Variants in LRP1B observed in about 807,000 individuals in gnomAD.
LRP1B encodes the protein LDL receptor related protein 1B.
A neutral mutation model predicts 556.6 loss-of-function variants in LRP1B; 217 were observed. The ratio of observed to expected loss-of-function variants is 0.39; its 90% CI spans 0.35 to 0.44. LRP1B has a LOEUF of 0.44. LRP1B is among the 20% of genes least tolerant of loss of function. LRP1B has a pLI of 1.00. For missense variants in LRP1B, 5,053 were observed against 5,620.8 expected (o/e 0.90, Z 3.23); for synonymous variants, 2,047 against 1,865.8 (o/e 1.10, Z -2.50).
rs971042439 is a variant in LRP1B at position 141,040,921 on chromosome 2, T to G, written c.1789+8065A>C. On this transcript the variant is annotated intron_variant, in intron 11 of 90. Coordinates refer to ENST00000389484, the MANE Select transcript of LRP1B (RefSeq NM_018557.3). The stretch of plus-strand genomic sequence containing the variant: ...AATATATTTGACAGAAAGAGACTGC[T>G]TCTCATTCTTCCTGGCTATTCTTCT... Among the ~76,000 whole-genome samples the G allele has an allele frequency of 5.9e-5, 9 of 152,128 alleles. No homozygotes were observed. In the East Asian group the frequency reaches 1.7e-3, roughly 29 times the overall value.
At chr2:141,217,234 C>G (rs763959281) in intron 6 of LRP1B, among the ~76,000 whole-genome samples, 1 of 152,114 alleles carries the variant, frequency 6.6e-6, no homozygotes, top group Non-Finnish European at 1.5e-5. Flanking sequence ...CTCTCAAGAT[C>G]TAGTGATCTA....
intron 1 of LRP1B, among the ~76,000 whole-genome samples, chr2:141,887,818 T>C (rs1699172539): frequency 6.6e-6 from 1 of 152,214 alleles, no homozygotes; most frequent in South Asian, 2.1e-4. Context: ...TAGTTGAAGC[T>C]ACCAAAACCC....
At position 140,583,162 on chromosome 2, in the gene LRP1B, C is replaced by CTTTTTTTTTTT. The variant is rs1220644581; in HGVS notation, c.7194+15468_7194+15469insAAAAAAAAAAA. ...TGAAAGTTTCTATTGACAGTTTCTC[C>CTTTTTTTTTTT]TTTTTTTTCTTTTTTTTTTTTTTTT... On this transcript the variant is annotated intron_variant, in intron 43 of 90. Coordinates refer to ENST00000389484, the MANE Select transcript of LRP1B (RefSeq NM_018557.3). Among the ~76,000 whole-genome samples, 13 of 107,812 alleles carry CTTTTTTTTTTT rather than the reference C, an allele frequency of 1.2e-4. 2 individuals are homozygous for CTTTTTTTTTTT. The highest frequency in any genetic ancestry group is 3.6e-4 in the African/African-American group (9 of 24,668). 70.7% of individuals were successfully genotyped at this position (107,812 alleles called of 152,430 possible).
At chr2:141,218,133 G>C (rs1682889755) in intron 6 of LRP1B, among the ~76,000 whole-genome samples, 1 of 152,168 alleles carries the variant, frequency 6.6e-6, no homozygotes, top group South Asian at 2.1e-4. Flanking sequence ...CTGTTGGTGG[G>C]ATTGTAAATT....
At chr2:140,572,622 T>C (rs756077270) in intron 43 of LRP1B, among the ~76,000 whole-genome samples, 5 of 151,724 alleles carry the variant, frequency 3.3e-5, no homozygotes, top group Admixed American at 2.6e-4. Context: ...ATCCTGCAAC[T>C]GAGCTTATAT....
At chr2:141,506,687 G>A (rs1217345151) in intron 2 of LRP1B, among the ~76,000 whole-genome samples, 1 of 151,852 alleles carries the variant, frequency 6.6e-6, no homozygotes, top group Non-Finnish European at 1.5e-5. Context: ...TTATAATATA[G>A]ATATGTTATA....
chr2:142,020,332 C>T (rs77887250), intron 1 of LRP1B, among the ~76,000 whole-genome samples: 1,673 of 152,176 alleles, frequency 0.011, 14 homozygotes, highest in Non-Finnish European at 0.018. Flanking sequence ...CCTCAGACCC[C>T]GGAGTACACA....
rs549442226 is a variant in LRP1B at position 140,984,729 on chromosome 2, G to T, written c.2771-2453C>A. Among the ~76,000 whole-genome samples the T allele has an allele frequency of 9.2e-5, 14 of 152,172 alleles. No individual in the cohort carries two copies. The South Asian group carries it at 2.5e-3, about 27-fold the overall frequency. On this transcript the variant is annotated intron_variant, in intron 17 of 90. Transcript: ENST00000389484. ...CTGTTATGACCTATTATTCCAAAGA[G>T]TATTCACTGGATTATTATAGAGTGG...
chr2:141,737,217 T>C (rs1409578032), intron 2 of LRP1B, among the ~76,000 whole-genome samples: 1 of 152,156 alleles, frequency 6.6e-6, no homozygotes, highest in Non-Finnish European at 1.5e-5. Flanking sequence ...CTAGGCATGG[T>C]GGCACATGCC....
At chr2:141,837,178 T>C (rs574942465) in intron 1 of LRP1B, among the ~76,000 whole-genome samples, 8 of 152,046 alleles carry the variant, frequency 5.3e-5, no homozygotes, top group African/African-American at 1.7e-4. Flanking sequence ...ATATAGACTA[T>C]CAGGGAAAGA....
intron 3 of LRP1B, among the ~76,000 whole-genome samples, chr2:141,283,612 G>C (rs926458130): frequency 6.9e-6 from 1 of 145,486 alleles, no homozygotes; most frequent in East Asian, 2.2e-4. Context: ...CAGACAAAGA[G>C]ACCCACTTTT....
intron 1 of LRP1B, among the ~76,000 whole-genome samples, chr2:141,917,493 A>C (rs1700069586): frequency 6.6e-6 from 1 of 152,214 alleles, no homozygotes; most frequent in Non-Finnish European, 1.5e-5. Flanking sequence ...CTCAAAGTGC[A>C]AAAGTAAATA....
intron 2 of LRP1B, among the ~76,000 whole-genome samples, chr2:141,512,205 C>T (rs1048665497): frequency 3.3e-5 from 5 of 152,066 alleles, no homozygotes; most frequent in Non-Finnish European, 5.9e-5. Flanking sequence ...ATTAAGCCTT[C>T]GCCATGTATT....
chr2:140,845,048 GAA>G (rs1421567929), intron 29 of LRP1B, among the ~76,000 whole-genome samples: 1 of 151,822 alleles, frequency 6.6e-6, no homozygotes, highest in Non-Finnish European at 1.5e-5. Flanking sequence ...ATGAGTGAGA[GAA>G]AAAAGATACC....
Position 142,101,636 on chromosome 2 carries a change from C to G in LRP1B, c.82+29012G>C, listed in dbSNP as rs189158298. 7.8e-3 allele frequency among the ~76,000 whole-genome samples: 1,179 copies of G among 151,990 alleles called. 9 individuals carry two copies. The highest frequency in any genetic ancestry group is 0.013 in the Non-Finnish European group (905 of 67,912). ...ATGCTATTAAGAAAACTATTTTTAA[C>G]TGTTTCTTCTAGAATTACCTTTAGA... On this transcript the variant is annotated intron_variant, in intron 1 of 90. Coordinates refer to ENST00000389484, the MANE Select transcript of LRP1B (RefSeq NM_018557.3).
chr2:141,594,174 G>A (rs1196952011), intron 2 of LRP1B, among the ~76,000 whole-genome samples: 1 of 152,050 alleles, frequency 6.6e-6, no homozygotes, highest in Non-Finnish European at 1.5e-5. Flanking sequence ...TCGAGTAGGG[G>A]ACCCTGTGCC....
At chr2:141,758,004 T>C (rs568889711) in intron 2 of LRP1B, among the ~76,000 whole-genome samples, 1 of 152,178 alleles carries the variant, frequency 6.6e-6, no homozygotes, top group South Asian at 2.1e-4. Flanking sequence ...CTTAACCTTG[T>C]CTAGAACCAG....
intron 18 of LRP1B, among the ~76,000 whole-genome samples, chr2:140,963,591 G>C (rs373178739): frequency 6.6e-6 from 1 of 152,052 alleles, no homozygotes; most frequent in Non-Finnish European, 1.5e-5. Flanking sequence ...GCCAGTAACC[G>C]GTGAGGCAGC....
intron 1 of LRP1B, among the ~76,000 whole-genome samples, chr2:141,879,554 T>A (rs1698883973): frequency 6.6e-6 from 1 of 151,830 alleles, no homozygotes; most frequent in South Asian, 2.1e-4. Flanking sequence ...TATCCAGGGT[T>A]TTTTTTTGTC....
Sources: gnomAD v4.1 joint callset for allele counts (sites outside exome capture counted in the v4.1 genomes callset) on GRCh38, gnomAD v4.1.1 for gene constraint, MANE v1.5 for transcripts, NCBI Gene and HGNC (gene_info 2026-07-23, HGNC 2026-07-21) for gene names.